The following RAB27B variants were observed in gnomAD, a reference collection of about 807,000 sequenced individuals.
RAB27B encodes RAB27B, member RAS oncogene family, also known as ras-related protein Rab-27B.
A neutral mutation model predicts 24.6 loss-of-function variants in RAB27B; 15 were observed. The ratio of observed to expected loss-of-function variants is 0.61; its 90% CI spans 0.41 to 0.94. The LOEUF (loss-of-function observed/expected upper bound fraction) is 0.94, where lower values mean the gene tolerates loss of function less well. Among genes scored for constraint, RAB27B ranks in the 40% least tolerant of loss-of-function variants. RAB27B has a pLI of 0.00. For missense variants in RAB27B, 261 were observed against 266.8 expected (o/e 0.98, Z 0.15); for synonymous variants, 105 against 92.5 (o/e 1.14, Z -0.78).
intron 1 of RAB27B, among the ~76,000 whole-genome samples, chr18:54,837,930 C>T (rs1413578419): frequency 1.3e-5 from 2 of 151,962 alleles, no homozygotes; most frequent in East Asian, 3.9e-4. Context: ...TCTCCCAACC[C>T]ACCCTGTGAA....
At chr18:54,794,442 A>G (rs1294629764) in intron 2 of RAB27B, among the ~76,000 whole-genome samples, 2 of 152,256 alleles carry the variant, frequency 1.3e-5, no homozygotes, top group Non-Finnish European at 2.9e-5. Flanking sequence ...TGCCTTTTGC[A>G]TAAGTTTGAC....
chr18:54,832,975 G>A (rs544413342), intron 1 of RAB27B, among the ~76,000 whole-genome samples: 45 of 152,258 alleles, frequency 3.0e-4, no homozygotes, highest in Non-Finnish European at 5.4e-4. Flanking sequence ...ATGAGGCTAC[G>A]TACATAGAAG....
intron 1 of RAB27B, among the ~76,000 whole-genome samples, chr18:54,846,995 T>C (rs7241733): frequency 0.29 from 44,513 of 151,808 alleles, 7,462 homozygotes; most frequent in African/African-American, 0.46. Context: ...GGATTATAGG[T>C]GCCCGCCACC....
At chr18:54,823,717 C>T (rs960107264), upstream of RAB27B, among the ~76,000 whole-genome samples, 4 of 152,174 alleles carry the variant, frequency 2.6e-5, no homozygotes, top group African/African-American at 9.7e-5. Context: ...TTTCAATTCA[C>T]TTTCTCCACT....
At chr18:54,760,945 G>T (rs946938367) in intron 2 of RAB27B, among the ~76,000 whole-genome samples, 1 of 150,962 alleles carries the variant, frequency 6.6e-6, no homozygotes, top group Non-Finnish European at 1.5e-5. Context: ...GATCATTGTT[G>T]AATCAATGGG....
chr18:54,736,456 A>C (rs1039987196), intron 2 of RAB27B, among the ~76,000 whole-genome samples: 6 of 151,422 alleles, frequency 4.0e-5, no homozygotes, highest in African/African-American at 1.5e-4. Flanking sequence ...TATTGTTGTA[A>C]ATTTCTTCAT....
chr18:54,871,205 A>T (rs1160700167), intron 1 of RAB27B, among the ~76,000 whole-genome samples: 1 of 152,230 alleles, frequency 6.6e-6, no homozygotes, highest in East Asian at 1.9e-4. Context: ...TGCTAAAAAA[A>T]ATACACTAAA....
chr18:54,832,031 C>T, intron 1 of RAB27B, among the ~76,000 whole-genome samples: 1 of 152,100 alleles, frequency 6.6e-6, no homozygotes, highest in Non-Finnish European at 1.5e-5. Flanking sequence ...ACCTTGGCCT[C>T]CCAAAGTGCT....
At chr18:54,816,295 A>G (rs1910119114) in intron 2 of RAB27B, among the ~76,000 whole-genome samples, 1 of 152,208 alleles carries the variant, frequency 6.6e-6, no homozygotes, top group African/African-American at 2.4e-5. Flanking sequence ...AAATACGATA[A>G]TAGTTGCTTC....
intron 1 of RAB27B, among the ~76,000 whole-genome samples, chr18:54,848,768 G>A (rs776557360): frequency 7.9e-5 from 12 of 152,088 alleles, no homozygotes; most frequent in African/African-American, 2.2e-4. Context: ...ATGGTATGGC[G>A]GGGAGAGGGG....
At chr18:54,757,345 C>T (rs575757709) in intron 2 of RAB27B, among the ~76,000 whole-genome samples, 40 of 152,306 alleles carry the variant, frequency 2.6e-4, no homozygotes, top group African/African-American at 8.9e-4. Context: ...ATTGCTCTAA[C>T]ATCAGAGTGG....
At chr18:54,770,167 C>A (rs548248436) in intron 2 of RAB27B, among the ~76,000 whole-genome samples, 1 of 152,262 alleles carries the variant, frequency 6.6e-6, no homozygotes, top group Admixed American at 6.5e-5. Context: ...GTTCTATGTT[C>A]TAAGACAGGG....
Position 54,877,613 on chromosome 18 carries a change from A to T in RAB27B, c.28A>T (p.Ile10Phe), listed in dbSNP as rs1912755624. The change falls in exon 2 of 6, where the codon ATC becomes TTC. Residue 10 changes from isoleucine (I) to phenylalanine (F), a missense_variant. Physicochemically the swap from Ile to Phe is conservative, Grantham distance 21. Coordinates refer to ENST00000262094, the MANE Select transcript of RAB27B (RefSeq NM_004163.4). MTDGDYDYL[I>F]KLLALGDSGV... is the part of the protein sequence containing the mutation. The stretch of plus-strand genomic sequence containing the variant: ...GACCGATGGAGACTATGATTATCTG[A>T]TCAAACTCCTGGCCCTCGGGGATTC... 1 of 1,583,332 alleles carries T rather than the reference A, an allele frequency of 6.3e-7. No individual in the cohort carries two copies. The highest frequency in any genetic ancestry group is 8.5e-7 in the Non-Finnish European group (1 of 1,170,824).
In RAB27B at chr18:54,831,129, A is replaced by G. The variant is rs561219586; in HGVS notation, c.-20+2429A>G. Among the ~76,000 whole-genome samples the G allele has an allele frequency of 9.8e-5, 15 of 152,300 alleles. No homozygotes were observed. In the East Asian group the frequency reaches 2.9e-3, roughly 29 times the overall value. ...AAGAAGTGCTCAGCAGAGAGTATAAAGCCGAGGAGGCATGCAGAAAGTGTC... is the reference window on the plus strand; with the variant it reads ...AAGAAGTGCTCAGCAGAGAGTATAAGGCCGAGGAGGCATGCAGAAAGTGTC... On this transcript the variant is annotated intron_variant, in intron 1 of 5. Transcript: ENST00000262094.
chr18:54,850,908 C>T (rs548578091), intron 1 of RAB27B, among the ~76,000 whole-genome samples: 1 of 151,924 alleles, frequency 6.6e-6, no homozygotes, highest in South Asian at 2.1e-4. Flanking sequence ...TGGATTTTGA[C>T]AGACCTTCAA....
chr18:54,848,678 G>C (rs985475149), intron 1 of RAB27B, among the ~76,000 whole-genome samples: 1 of 152,154 alleles, frequency 6.6e-6, no homozygotes, highest in Non-Finnish European at 1.5e-5. Context: ...CAGATTAACT[G>C]TAGGCAGTAC....
intron 2 of RAB27B, among the ~76,000 whole-genome samples, chr18:54,783,304 AG>A (rs1302941342): frequency 6.6e-6 from 1 of 152,050 alleles, no homozygotes; most frequent in Non-Finnish European, 1.5e-5. Flanking sequence ...CAACACACAA[AG>A]ATGATGATTA....
intron 2 of RAB27B, among the ~76,000 whole-genome samples, chr18:54,783,560 T>C (rs1291174828): frequency 1.3e-5 from 2 of 152,062 alleles, no homozygotes; most frequent in Non-Finnish European, 2.9e-5. Flanking sequence ...CTTGTTGTCA[T>C]GTCAGTCTCT....
At chr18:54,767,160 C>A (rs145111305) in intron 2 of RAB27B, among the ~76,000 whole-genome samples, 7 of 152,140 alleles carry the variant, frequency 4.6e-5, no homozygotes, top group Non-Finnish European at 1.0e-4. Flanking sequence ...GCATTTTAAA[C>A]AGATTGCTTA....
Sources: gnomAD v4.1 joint callset for allele counts (sites outside exome capture counted in the v4.1 genomes callset) on GRCh38, gnomAD v4.1.1 for gene constraint, MANE v1.5 for transcripts, NCBI Gene and HGNC (gene_info 2026-07-23, HGNC 2026-07-21) for gene names.